SIK3: variants seen among roughly 807,000 people sequenced by gnomAD.
SIK3 encodes SIK family kinase 3.
SIK3 carries 28 observed loss-of-function variants against 144.2 expected under a neutral mutation model. The observed-to-expected ratio is 0.19, with a 90% CI of 0.14 to 0.27. The LOEUF is 0.27. Ranked by LOEUF, SIK3 falls within the 10% of genes least tolerant of loss-of-function variation. The pLI is 1.00. For missense variants in SIK3, 1,319 were observed against 1,776.0 expected (o/e 0.74, Z 4.62); for synonymous variants, 686 against 676.3 (o/e 1.01, Z -0.22).
chr11:117,042,145 T>C (rs923279145), intron 1 of SIK3, among the ~76,000 whole-genome samples: 1 of 152,184 alleles, frequency 6.6e-6, no homozygotes, highest in African/African-American at 2.4e-5. Context: ...AGAAGGCTCA[T>C]GATATGCTAT....
chr11:116,992,247 C>A (rs1022985337), intron 1 of SIK3, among the ~76,000 whole-genome samples: 4 of 151,416 alleles, frequency 2.6e-5, no homozygotes, highest in African/African-American at 9.7e-5. Flanking sequence ...ATTGCTTGAA[C>A]CCAGGAGGTG....
intron 1 of SIK3, among the ~76,000 whole-genome samples, chr11:116,987,837 G>A (rs1321897354): frequency 1.3e-5 from 2 of 152,138 alleles, no homozygotes; most frequent in African/African-American, 4.8e-5. Flanking sequence ...GAATCATTAT[G>A]CAGAGAACAC....
At chr11:117,005,040 C>T (rs950147499) in intron 1 of SIK3, among the ~76,000 whole-genome samples, 7 of 152,172 alleles carry the variant, frequency 4.6e-5, no homozygotes, top group Non-Finnish European at 1.0e-4. Flanking sequence ...AACTTAAAAC[C>T]CCTATCTCCT....
chr11:116,945,338 A>C (rs1337394285), intron 3 of SIK3, among the ~76,000 whole-genome samples: 1 of 148,054 alleles, frequency 6.8e-6, no homozygotes, highest in African/African-American at 2.5e-5. Context: ...ACACTAACAC[A>C]CTTGCTTTTC....
At chr11:116,863,395 A>C (rs1943455693) in intron 16 of SIK3, among the ~76,000 whole-genome samples, 1 of 152,036 alleles carries the variant, frequency 6.6e-6, no homozygotes. Flanking sequence ...GGACTATGCT[A>C]ATTTTTAATC....
intron 1 of SIK3, among the ~76,000 whole-genome samples, chr11:117,011,657 C>T (rs1053551340): frequency 3.3e-5 from 5 of 152,110 alleles, no homozygotes; most frequent in Non-Finnish European, 7.4e-5. Flanking sequence ...AAAAATTCTG[C>T]AAGGTATAGC....
intron 1 of SIK3, among the ~76,000 whole-genome samples, chr11:117,077,674 A>G (rs1365791880): frequency 6.6e-6 from 1 of 152,200 alleles, no homozygotes; most frequent in Non-Finnish European, 1.5e-5. Context: ...GGGAGAGTTA[A>G]CTGCCTAAAA....
chr11:117,093,498 T>C (rs1955336225), intron 1 of SIK3, among the ~76,000 whole-genome samples: 1 of 152,178 alleles, frequency 6.6e-6, no homozygotes, highest in African/African-American at 2.4e-5. Context: ...ATTTCTTAAA[T>C]ATTTCACTTA....
Position 116,863,790 on chromosome 11 carries a change from G to A in SIK3, c.1981C>T (p.His661Tyr), listed in dbSNP as rs536507736. The A allele has an allele frequency of 6.2e-7, 1 of 1,613,708 alleles. No individual in the cohort carries two copies. Among genetic ancestry groups the A allele is most frequent in the East Asian group, 2.2e-5 (1 of 44,884 alleles). Residue 661 changes from histidine to tyrosine, a missense_variant, in exon 16 of 25, where the codon CAC becomes TAC. Transcript: ENST00000445177. ...RSTYKDSNTL[H>Y]LPTERFSPVR... ...GGGGAGAAACGCTCCGTAGGGAGGT[G>A]CAGAGTGTTGGAGTCCTTGTAGGTA...
Position 116,847,585 on chromosome 11 carries a change from T to C in SIK3, c.3843A>G (p.Gly1281=). Residue 1281 remains glycine (G), a synonymous_variant, in exon 23 of 25, where the codon GGA becomes GGG. Coordinates refer to ENST00000445177, the MANE Select transcript of SIK3 (RefSeq NM_001366686.3). ...GTGCTTTCCCAGCCACGAGACTCAT[T>C]CCTGGCAAGTTATCCAGCTGTACCT... is the stretch of plus-strand genomic sequence containing the variant. ...DAYVQLDNLP[G]MSLVAGKALS... is the part of the protein sequence containing the mutation. 6.2e-7 allele frequency: 1 copy of C among 1,614,154 alleles called. No homozygotes were observed. Among genetic ancestry groups the C allele is most frequent in the Non-Finnish European group, 8.5e-7 (1 of 1,180,038 alleles).
In SIK3 at chr11:116,870,316, C is replaced by T. The variant is rs745757164; in HGVS notation, c.1808+15G>A. The T allele has an allele frequency of 2.5e-6, 4 of 1,613,986 alleles. No homozygotes were observed. The highest frequency in any genetic ancestry group is 3.3e-5 in the Admixed American group (2 of 60,030). ...GCCCAGGGGCTTCTGCAAGCACTGC[C>T]AGATGTCACATTACCTCTGCACAGC... On this transcript the variant is annotated intron_variant, in intron 14 of 24. Transcript: ENST00000445177.
At chr11:116,936,824 C>T (rs1182136451) in intron 3 of SIK3, among the ~76,000 whole-genome samples, 5 of 152,174 alleles carry the variant, frequency 3.3e-5, no homozygotes, top group African/African-American at 1.2e-4. Flanking sequence ...ACATAGTTCA[C>T]CTGCATGTGT....
intron 4 of SIK3, among the ~76,000 whole-genome samples, chr11:116,904,432 G>C (rs1247000178): frequency 6.6e-6 from 1 of 152,094 alleles, no homozygotes; most frequent in African/African-American, 2.4e-5. Flanking sequence ...ACAGAATGAA[G>C]ACCTTGGACT....
intron 1 of SIK3, among the ~76,000 whole-genome samples, chr11:117,052,828 T>TG (rs1953321842): frequency 6.6e-6 from 1 of 152,238 alleles, no homozygotes; most frequent in South Asian, 2.1e-4. Context: ...CAAACAGCTT[T>TG]GTGGCTCTAA....
chr11:116,903,631 G>A (rs996238082), intron 4 of SIK3, among the ~76,000 whole-genome samples: 1 of 152,178 alleles, frequency 6.6e-6, no homozygotes, highest in African/African-American at 2.4e-5. Flanking sequence ...TCCCAGATGG[G>A]AGTGCAGTGG....
intron 4 of SIK3, among the ~76,000 whole-genome samples, chr11:116,921,635 C>G (rs1352110755): frequency 6.6e-6 from 1 of 152,148 alleles, no homozygotes; most frequent in Non-Finnish European, 1.5e-5. Context: ...TCACAAAGTG[C>G]TGAGATTACG....
chr11:117,079,198 T>C (rs1591665520), intron 1 of SIK3, among the ~76,000 whole-genome samples: 1 of 152,216 alleles, frequency 6.6e-6, no homozygotes, highest in African/African-American at 2.4e-5. Context: ...CTCCCAAATA[T>C]ACTTTAAGTT....
intron 1 of SIK3, among the ~76,000 whole-genome samples, chr11:117,003,596 A>C (rs1274205829): frequency 6.6e-6 from 1 of 152,150 alleles, no homozygotes; most frequent in Non-Finnish European, 1.5e-5. Context: ...GTTCAACACA[A>C]GGTAGGCAAC....
chr11:116,977,624 C>G (rs1045810360), intron 1 of SIK3, among the ~76,000 whole-genome samples: 1 of 152,084 alleles, frequency 6.6e-6, no homozygotes, highest in East Asian at 1.9e-4. Context: ...CAGGCTAGGG[C>G]TAGGGGCAAA....
Sources: allele counts gnomAD v4.1 joint callset (sites outside exome capture counted in the v4.1 genomes callset), GRCh38; gene constraint gnomAD v4.1.1; transcripts MANE v1.5; gene names NCBI Gene and HGNC (gene_info 2026-07-23, HGNC 2026-07-21).